FGL1: variants seen among roughly 807,000 people sequenced by gnomAD.
FGL1 encodes fibrinogen-like protein 1.
In FGL1, 59 loss-of-function variants were observed where a neutral mutation model predicts 43.7. The ratio of observed to expected loss-of-function variants is 1.35; its 90% CI spans 1.10 to 1.68. The LOEUF is 1.68. Ranked by LOEUF, FGL1 falls within the 40% of genes most tolerant of loss-of-function variation. FGL1 has a pLI of 0.00. For synonymous variants in FGL1, 192 were observed against 126.5 expected, an observed-to-expected ratio of 1.52 and a Z score of -3.48; for missense variants, 596 against 373.0, an observed-to-expected ratio of 1.60 and a Z score of -4.92.
chr8:17,872,758 A>G (rs1170036434), intron 5 of FGL1, among the ~76,000 whole-genome samples: 1 of 152,206 alleles, frequency 6.6e-6, no homozygotes. Flanking sequence ...GCAAAAGAAC[A>G]TGGGAGATAG....
At chr8:17,892,926 G>A (rs533040222) in intron 1 of FGL1, among the ~76,000 whole-genome samples, 22 of 152,234 alleles carry the variant, frequency 1.4e-4, no homozygotes, top group Admixed American at 4.6e-4. Context: ...TTAGCCAGGC[G>A]TGGTGGCTCA....
At position 17,874,313 on chromosome 8, in the gene FGL1, A is replaced by G. The variant is rs748791444; in HGVS notation, c.404+49T>C. 13 of 1,571,618 alleles carry G rather than the reference A, an allele frequency of 8.3e-6. No homozygotes were observed. In the South Asian group the frequency reaches 1.5e-4, roughly 18 times the overall value. On this transcript the variant is annotated intron_variant, in intron 4 of 7. Transcript: ENST00000427924. ...TATGATCAAAATATTTGACTTATAA[A>G]TCTCACATTTGCTGCTACATATAAA...
chr8:17,884,397 G>A (rs1419635455), intron 2 of FGL1, among the ~76,000 whole-genome samples: 1 of 152,076 alleles, frequency 6.6e-6, no homozygotes, highest in Admixed American at 6.6e-5. Context: ...GTTTTGCCAT[G>A]TTGCCCAGTC....
intron 5 of FGL1, among the ~76,000 whole-genome samples, chr8:17,870,904 C>CA (rs112679601): frequency 0.026 from 3,658 of 138,488 alleles, 68 homozygotes; most frequent in African/African-American, 0.055. Context: ...GACTCTGTCT[C>CA]AAAAAAAAAA....
At chr8:17,881,561 C>G (rs907737906) in intron 3 of FGL1, among the ~76,000 whole-genome samples, 1 of 149,466 alleles carries the variant, frequency 6.7e-6, no homozygotes. Context: ...CGGCTGGGCA[C>G]GGTGGCTCAC....
intron 3 of FGL1, among the ~76,000 whole-genome samples, chr8:17,877,886 A>G (rs2053479842): frequency 6.6e-6 from 1 of 152,160 alleles, no homozygotes; most frequent in Admixed American, 6.5e-5. Flanking sequence ...ACAAGGCTAT[A>G]ATAATGTCCA....
At chr8:17,891,242 T>C (rs993551375) in intron 1 of FGL1, 4 of 151,830 alleles carry the variant, frequency 2.6e-5, no homozygotes, top group African/African-American at 7.3e-5. Flanking sequence ...ACAACAGGAG[T>C]TTATTATCTC....
intron 4 of FGL1, 44 bp downstream of exon 4, chr8:17,874,316 TCA>T: frequency 6.3e-7 from 1 of 1,575,632 alleles, no homozygotes; most frequent in Non-Finnish European, 8.6e-7. Context: ...CTTATAAATC[TCA>T]CATTTGCTGC....
intron 3 of FGL1, among the ~76,000 whole-genome samples, chr8:17,879,765 G>A (rs954743009): frequency 1.3e-5 from 2 of 151,812 alleles, no homozygotes; most frequent in Non-Finnish European, 2.9e-5. Flanking sequence ...CATTCATTTC[G>A]TTATAGCGGT....
intron 3 of FGL1, among the ~76,000 whole-genome samples, chr8:17,876,316 A>G (rs2053455537): frequency 6.6e-6 from 1 of 152,186 alleles, no homozygotes; most frequent in Admixed American, 6.5e-5. Flanking sequence ...GATAAAATAT[A>G]TTGCACATTA....
chr8:17,880,658 G>T (rs919779891), intron 3 of FGL1, among the ~76,000 whole-genome samples: 1 of 152,132 alleles, frequency 6.6e-6, no homozygotes, highest in African/African-American at 2.4e-5. Context: ...CCAGTTAATT[G>T]ACCTCAATAG....
In FGL1 at chr8:17,882,152, T is replaced by A; in HGVS notation, c.91A>T (p.Met31Leu). 1 of 1,613,954 alleles carries A rather than the reference T, an allele frequency of 6.2e-7. No homozygotes were observed. The highest frequency in any genetic ancestry group is 8.5e-7 in the Non-Finnish European group (1 of 1,180,000). Reference protein sequence around the residue: ...SALEDCAQEQMRLRAQVRLLE... With the variant: ...SALEDCAQEQLRLRAQVRLLE... Reference sequence around the variant, plus strand: ...AGGCGCACCTGGGCTCTGAGCCGCATCTGCTCCTGGGCACAGTCCTCGAGC... The same window carrying A: ...AGGCGCACCTGGGCTCTGAGCCGCAACTGCTCCTGGGCACAGTCCTCGAGC... The change falls in exon 3 of 8, where the codon ATG becomes TTG. Residue 31 changes from methionine (M) to leucine (L), a missense_variant. Coordinates refer to ENST00000427924, the MANE Select transcript of FGL1 (RefSeq NM_004467.4).
chr8:17,881,177 C>G (rs35338706), intron 3 of FGL1, among the ~76,000 whole-genome samples: 2,428 of 148,060 alleles, frequency 0.016, 65 homozygotes, highest in African/African-American at 0.06. Context: ...TATTGTGTTG[C>G]CCAGGCTGGA....
chr8:17,883,703 A>T (rs182333841), intron 2 of FGL1, among the ~76,000 whole-genome samples: 7 of 146,394 alleles, frequency 4.8e-5, no homozygotes, highest in Admixed American at 1.4e-4. Context: ...TTATATATAT[A>T]TATATGTAGT....
At chr8:17,888,439 A>T (rs1289399691) in intron 1 of FGL1, among the ~76,000 whole-genome samples, 1 of 152,238 alleles carries the variant, frequency 6.6e-6, no homozygotes, top group East Asian at 1.9e-4. Context: ...CTAAAGAGTC[A>T]TCATTTGCAA....
intron 3 of FGL1, among the ~76,000 whole-genome samples, chr8:17,879,089 T>C (rs939437666): frequency 2.0e-5 from 3 of 151,624 alleles, no homozygotes; most frequent in African/African-American, 4.8e-5. Flanking sequence ...ATGAAAAATA[T>C]TGTTTTAATC....
chr8:17,891,038 C>T (rs998186250), intron 1 of FGL1, among the ~76,000 whole-genome samples: 6 of 152,166 alleles, frequency 3.9e-5, no homozygotes, highest in Non-Finnish European at 7.3e-5. Context: ...TAGCACTTAT[C>T]ACCAAATATA....
At chr8:17,879,206 T>C (rs1229448112) in intron 3 of FGL1, among the ~76,000 whole-genome samples, 1 of 151,920 alleles carries the variant, frequency 6.6e-6, no homozygotes, top group African/African-American at 2.4e-5. Context: ...AATTATAATG[T>C]TTTTTCTGAA....
chr8:17,887,130 G>C (rs376471276), intron 1 of FGL1, among the ~76,000 whole-genome samples: 7 of 151,958 alleles, frequency 4.6e-5, no homozygotes, highest in Non-Finnish European at 8.8e-5. Context: ...GCTTTCCCAG[G>C]CTTCTTCTCT....
Sources: gnomAD v4.1 joint callset for allele counts (sites outside exome capture counted in the v4.1 genomes callset) on GRCh38, gnomAD v4.1.1 for gene constraint, MANE v1.5 for transcripts, NCBI Gene and HGNC (gene_info 2026-07-23, HGNC 2026-07-21) for gene names.